Variants in DPF3 observed in about 807,000 individuals in gnomAD.
DPF3 encodes the protein zinc finger protein DPF3.
Under a neutral mutation model 56.8 loss-of-function variants are expected in DPF3, and 18 were observed. The observed-to-expected ratio is 0.32, with a 90% CI of 0.22 to 0.47. The LOEUF (loss-of-function observed/expected upper bound fraction) is 0.47. Ranked by LOEUF, DPF3 falls within the 20% of genes least tolerant of loss-of-function variation. The pLI is 1.00. For synonymous variants in DPF3, 188 were observed against 180.2 expected, an observed-to-expected ratio of 1.04 and a Z score of -0.35; for missense variants, 403 against 488.8, an observed-to-expected ratio of 0.82 and a Z score of 1.65.
rs138975300 is a variant in DPF3 at position 72,820,986 on chromosome 14, G to A, written c.33-49093C>T. Among the ~76,000 whole-genome samples, 818 of 152,048 alleles carry A rather than the reference G, an allele frequency of 5.4e-3. 6 individuals carry two copies. Among genetic ancestry groups the A allele is most frequent in the African/African-American group, 0.019 (774 of 41,460 alleles). On this transcript the variant is annotated intron_variant, in intron 1 of 10. Coordinates refer to ENST00000556509, the MANE Select transcript of DPF3 (RefSeq NM_001280542.3). ...ATCTCTACCAAAAATACAAAAATTA[G>A]CCGAGTGTGGTGGCACATATGTTTG...
At chr14:72,624,333 C>CTTTTTTTTTTTTTTTTTTT (rs55820708) in intron 9 of DPF3, among the ~76,000 whole-genome samples, 10 of 97,796 alleles carry the variant, frequency 1.0e-4, no homozygotes, top group African/African-American at 3.9e-4. Flanking sequence ...ACCTATGTCT[C>CTTTTTTTTTTTTTTTTTTT]TTTTTTTTTT....
chr14:72,818,004 G>A (rs1040470508), intron 1 of DPF3, among the ~76,000 whole-genome samples: 2 of 152,024 alleles, frequency 1.3e-5, no homozygotes, highest in Non-Finnish European at 2.9e-5. Flanking sequence ...CCAGCACTTT[G>A]GGAGGCCAAG....
Position 72,714,370 on chromosome 14 carries a change from C to T in DPF3, c.604+53G>A, listed in dbSNP as rs555977158. On this transcript the variant is annotated intron_variant, in intron 6 of 10. Transcript: ENST00000556509. ...GCCAAGGAAGCACAGGGAAGAGGGG[C>T]CCTGGGGGCAGGCGCACAGGGAGGA... 6.2e-6 allele frequency: 10 copies of T among 1,604,432 alleles called. No homozygotes were observed. In the African/African-American group the frequency reaches 1.1e-4, roughly 17 times the overall value.
chr14:72,759,895 C>G (rs1345057159), intron 2 of DPF3, among the ~76,000 whole-genome samples: 1 of 152,116 alleles, frequency 6.6e-6, no homozygotes, highest in East Asian at 1.9e-4. Context: ...AAAAACTTGT[C>G]AAACTAGAAT....
chr14:72,881,408 A>G (rs1053535980), intron 1 of DPF3, among the ~76,000 whole-genome samples: 1 of 152,110 alleles, frequency 6.6e-6, no homozygotes, highest in African/African-American at 2.4e-5. Flanking sequence ...GGGTTTCCCA[A>G]GACAAAGTTT....
At chr14:72,677,578 G>A (rs1473971897) in intron 7 of DPF3, among the ~76,000 whole-genome samples, 1 of 152,038 alleles carries the variant, frequency 6.6e-6, no homozygotes, top group African/African-American at 2.4e-5. Context: ...TCAGGTTGGA[G>A]ACCAGGTCTA....
chr14:72,622,652 C>A lies in DPF3; in HGVS notation c.985-2668G>T, dbSNP rs139326301. Among the ~76,000 whole-genome samples, 23 of 152,134 alleles carry A rather than the reference C, an allele frequency of 1.5e-4. No individual in the cohort carries two copies. The East Asian group carries it at 3.7e-3, about 24-fold the overall frequency. On this transcript the variant is annotated intron_variant, in intron 9 of 10. Coordinates refer to ENST00000556509, the MANE Select transcript of DPF3 (RefSeq NM_001280542.3). ...GTTGACCACTGTCTAGCACCATATTCTCTTCTCTTCCACCACCAAGAGCCC... is the reference window on the plus strand; with the variant it reads ...GTTGACCACTGTCTAGCACCATATTATCTTCTCTTCCACCACCAAGAGCCC...
At chr14:72,835,956 G>T in intron 1 of DPF3, 1 of 792,098 alleles carries the variant, frequency 1.3e-6, no homozygotes, top group Non-Finnish European at 1.5e-6. Flanking sequence ...CCTAAAACCT[G>T]TGCGTTGTGT....
At chr14:72,879,671 GC>G in intron 1 of DPF3, 1 of 1,154,728 alleles carries the variant, frequency 8.7e-7, no homozygotes, top group African/African-American at 1.6e-5. Context: ...GAAACCGCCT[GC>G]CCAGAGGAGC....
chr14:72,715,104 G>A (rs1888857389), intron 5 of DPF3, among the ~76,000 whole-genome samples: 1 of 152,238 alleles, frequency 6.6e-6, no homozygotes, highest in South Asian at 2.1e-4. Flanking sequence ...ACCAGCCCAT[G>A]CTTGGCCTAC....
intron 1 of DPF3, among the ~76,000 whole-genome samples, chr14:72,871,018 G>A (rs1044580967): frequency 2.8e-5 from 4 of 140,706 alleles, no homozygotes; most frequent in African/African-American, 1.1e-4. Flanking sequence ...GGAGGTGAAA[G>A]GCACTTCTTA....
intron 6 of DPF3, among the ~76,000 whole-genome samples, chr14:72,707,825 G>A (rs1347355505): frequency 8.5e-6 from 1 of 117,286 alleles, no homozygotes; most frequent in African/African-American, 3.1e-5. Context: ...TTTTTTTTTT[G>A]AGACTGCGTT....
intron 8 of DPF3, among the ~76,000 whole-genome samples, chr14:72,659,898 T>A (rs1886156035): frequency 6.6e-6 from 1 of 152,138 alleles, no homozygotes; most frequent in African/African-American, 2.4e-5. Flanking sequence ...GTTTGACACA[T>A]CTACGTAAAT....
chr14:72,795,904 A>G (rs1235879851), intron 1 of DPF3, among the ~76,000 whole-genome samples: 1 of 152,262 alleles, frequency 6.6e-6, no homozygotes, highest in Non-Finnish European at 1.5e-5. Flanking sequence ...TCTTTCTCTT[A>G]TAAACAATTG....
intron 8 of DPF3, chr14:72,670,737 A>G: frequency 3.9e-6 from 4 of 1,019,208 alleles, no homozygotes; most frequent in Non-Finnish European, 4.7e-6. Context: ...TTTGTTTCCA[A>G]CCCAAAGTTC....
chr14:72,838,916 T>A (rs1473202979), intron 1 of DPF3, among the ~76,000 whole-genome samples: 2,837 of 44,300 alleles, frequency 0.064, 263 homozygotes, highest in Non-Finnish European at 0.094. Flanking sequence ...TTCTTTTTTT[T>A]TTTTTTTTTT....
chr14:72,770,872 A>T (rs1330179189), intron 2 of DPF3, among the ~76,000 whole-genome samples: 3 of 152,198 alleles, frequency 2.0e-5, no homozygotes, highest in Non-Finnish European at 4.4e-5. Flanking sequence ...TAGCTGTAGT[A>T]ATAACAGTAA....
chr14:72,715,012 C>A (rs905656400), intron 5 of DPF3, among the ~76,000 whole-genome samples: 2 of 152,200 alleles, frequency 1.3e-5, no homozygotes, highest in African/African-American at 4.8e-5. Context: ...GCTTCTGTGT[C>A]CATCCCCGCA....
At chr14:72,661,657 C>A (rs1244669509) in intron 8 of DPF3, 2 of 985,278 alleles carry the variant, frequency 2.0e-6, no homozygotes, top group Non-Finnish European at 2.4e-6. Flanking sequence ...GTTAGAACAC[C>A]CGCCGTCTTC....
Sources: gnomAD v4.1 joint callset for allele counts (sites outside exome capture counted in the v4.1 genomes callset) on GRCh38, gnomAD v4.1.1 for gene constraint, MANE v1.5 for transcripts, NCBI Gene and HGNC (gene_info 2026-07-23, HGNC 2026-07-21) for gene names.